The following SNX1 variants were observed in gnomAD, a reference collection of about 807,000 sequenced individuals.
SNX1 encodes the protein sorting nexin 1.
SNX1 carries 36 observed loss-of-function variants against 71.8 expected under a neutral mutation model. That is an observed-to-expected ratio of 0.50 (90% confidence interval 0.38 to 0.66). SNX1 has a LOEUF of 0.66. SNX1 is among the 30% of genes least tolerant of loss of function. The pLI, the probability that SNX1 is intolerant of heterozygous loss-of-function variation, is 0.00. For synonymous variants in SNX1, 254 were observed against 240.7 expected, an observed-to-expected ratio of 1.06 and a Z score of -0.51; for missense variants, 612 against 646.7, an observed-to-expected ratio of 0.95 and a Z score of 0.58.
chr15:64,116,259 A>T lies in SNX1; in HGVS notation c.272-1858A>T, dbSNP rs2140142879. On this transcript the variant is annotated intron_variant, in intron 2 of 14. Transcript: ENST00000559844. ...TCATCATAAAGGTTTTCATTCTTGCATCCTCACATTGAGTAAGTAGGCTAA... is the reference window on the plus strand; with the variant it reads ...TCATCATAAAGGTTTTCATTCTTGCTTCCTCACATTGAGTAAGTAGGCTAA... Among the ~76,000 whole-genome samples the T allele has an allele frequency of 3.3e-5, 5 of 152,350 alleles. No homozygotes were observed. In the Middle Eastern group the frequency reaches 0.014, roughly 415 times the overall value.
chr15:64,117,490 T>A (rs2081142212), intron 2 of SNX1, among the ~76,000 whole-genome samples: 1 of 152,188 alleles, frequency 6.6e-6, no homozygotes, highest in Admixed American at 6.5e-5. Context: ...ACTCCTGAGC[T>A]CAGGCAGTCC....
chr15:64,129,859 T>C lies in SNX1; in HGVS notation c.808-57T>C. 4 of 1,271,654 alleles carry C rather than the reference T, an allele frequency of 3.1e-6. No individual in the cohort carries two copies. Among genetic ancestry groups the C allele is most frequent in the South Asian group, 1.2e-5 (1 of 84,198 alleles). 78.8% of individuals were successfully genotyped at this position (1,271,654 alleles called of 1,614,324 possible). A position where few individuals can be genotyped will look rare whatever the true frequency, so the allele number is the denominator to read the frequency against. On this transcript the variant is annotated intron_variant, in intron 8 of 14. Transcript: ENST00000559844. This position sits in a 1 kb window ranked among gnomAD's most constrained non-coding sequence, Gnocchi z 4.4. ...GCCATCTGATGGATACTAATTCTTC[T>C]GAACCTAAAATAGGGGCAGCAGATA...
chr15:64,113,843 G>A (rs984861437), intron 2 of SNX1, among the ~76,000 whole-genome samples: 3 of 151,630 alleles, frequency 2.0e-5, no homozygotes, highest in Admixed American at 1.3e-4. Context: ...GAAAGAAAGA[G>A]AGAGAGAGAG....
At chr15:64,135,836 C>T (rs944745308) in intron 12 of SNX1, among the ~76,000 whole-genome samples, 3 of 151,918 alleles carry the variant, frequency 2.0e-5, no homozygotes, top group East Asian at 1.9e-4. Flanking sequence ...GCACGAGAAC[C>T]GCTTGAACCT....
Position 64,112,598 on chromosome 15 carries a change from C to T in SNX1, c.185C>T (p.Thr62Ile). 1 of 1,611,478 alleles carries T rather than the reference C, an allele frequency of 6.2e-7. No individual in the cohort carries two copies. The highest frequency in any genetic ancestry group is 1.1e-5 in the South Asian group (1 of 90,860). Residue 62 changes from threonine (T) to isoleucine (I), a missense_variant, in exon 2 of 15, where the codon ACT becomes ATT. By Grantham distance (89) the Thr-to-Ile change is moderately conservative. This residue lies in a region of SNX1 where 316 missense variants were observed against 284.9 expected (regional missense o/e 1.11). Coordinates refer to ENST00000559844, the MANE Select transcript of SNX1 (RefSeq NM_003099.5). Reference protein sequence around the residue: ...VVSKHQSPKITTSLLPINNGS... With the variant: ...VVSKHQSPKIITSLLPINNGS... ...AGTAAACATCAGTCTCCAAAGATAA[C>T]TACATCCCTTCTTCCCATCAACAAT... is the stretch of plus-strand genomic sequence containing the variant.
At chr15:64,120,201 C>G (rs745685650) in intron 4 of SNX1, among the ~76,000 whole-genome samples, 7 of 150,594 alleles carry the variant, frequency 4.6e-5, no homozygotes. Context: ...AAATGTAATT[C>G]TCAACTCTTG....
Position 64,138,351 on chromosome 15 carries a change from A to G in SNX1, c.*733A>G, listed in dbSNP as rs2081383262. The G allele has an allele frequency of 8.2e-6, 5 of 612,148 alleles. No individual in the cohort carries two copies. The highest frequency in any genetic ancestry group is 4.8e-5 in the South Asian group (2 of 41,506). The allele number at this position is 612,148 out of a possible 1,614,324, so 37.9% of individuals were successfully genotyped here. ...TTTTTTTTTTTTTTTTGGTGTCCCTATCATTAAGCAAGAGCCTTTCTCTTT... is the reference window on the plus strand; with the variant it reads ...TTTTTTTTTTTTTTTTGGTGTCCCTGTCATTAAGCAAGAGCCTTTCTCTTT... On this transcript the variant is annotated 3_prime_UTR_variant, in exon 15 of 15. Transcript: ENST00000559844.
intron 8 of SNX1, among the ~76,000 whole-genome samples, chr15:64,128,707 G>C (rs1188946332): frequency 1.3e-5 from 2 of 152,082 alleles, no homozygotes; most frequent in East Asian, 3.8e-4. Flanking sequence ...AATCCCTTCT[G>C]CCTTTTCACC....
chr15:64,102,458 G>A (rs1466165507), intron 1 of SNX1, among the ~76,000 whole-genome samples: 1 of 152,094 alleles, frequency 6.6e-6, no homozygotes, highest in African/African-American at 2.4e-5. Flanking sequence ...TAATCTTCCT[G>A]CTGTCAAATA....
intron 12 of SNX1, 120 bp from the exon 13 acceptor site, chr15:64,136,210 C>G: frequency 2.6e-6 from 2 of 768,414 alleles, no homozygotes; most frequent in Non-Finnish European, 4.5e-6. Flanking sequence ...ATCTTACCCA[C>G]AGGGACAGAC....
chr15:64,104,881 TC>T (rs1250741011), intron 1 of SNX1, among the ~76,000 whole-genome samples: 3 of 69,926 alleles, frequency 4.3e-5, no homozygotes, highest in Non-Finnish European at 9.7e-5. Flanking sequence ...CAAGACTTGA[TC>T]TTAAAAAAAA....
At chr15:64,136,990 T>C in intron 14 of SNX1, 58 bp downstream of exon 14, 1 of 1,393,834 alleles carries the variant, frequency 7.2e-7, no homozygotes, top group Non-Finnish European at 1.0e-6. Flanking sequence ...GCCAGCTGCC[T>C]CCTCGGGGCT....
chr15:64,129,763 G>C lies in SNX1; in HGVS notation c.808-153G>C, dbSNP rs2081288050. ...TTGATTTTTCTGTATGGACATGTTA[G>C]TTGTGGATTCCTCAGACTGCCTTTG... On this transcript the variant is annotated intron_variant, in intron 8 of 14. Transcript: ENST00000559844. The surrounding 1 kb of genome is among the most constrained non-coding windows in gnomAD (Gnocchi z 4.4). The C allele has an allele frequency of 5.0e-6, 3 of 605,434 alleles. No homozygotes were observed. Among genetic ancestry groups the C allele is most frequent in the Non-Finnish European group, 8.9e-6 (3 of 335,358 alleles). 37.5% of individuals were successfully genotyped at this position (605,434 alleles called of 1,614,324 possible).
At chr15:64,112,231 G>T (rs578183740) in intron 1 of SNX1, among the ~76,000 whole-genome samples, 1 of 152,290 alleles carries the variant, frequency 6.6e-6, no homozygotes, top group East Asian at 1.9e-4. Context: ...AATGTGCACA[G>T]TCAGCATTTG....
Position 64,137,611 on chromosome 15 carries a change from T to C in SNX1, c.1562T>C (p.Ile521Thr), listed in dbSNP as rs1293403254. The C allele has an allele frequency of 6.2e-7, 1 of 1,614,070 alleles. No individual in the cohort carries two copies. The highest frequency in any genetic ancestry group is 1.3e-5 in the African/African-American group (1 of 74,926). Residue 521 changes from isoleucine (I) to threonine (T), a missense_variant, in exon 15 of 15, where the codon ATC (isoleucine) becomes ACC (threonine). Coordinates refer to ENST00000559844, the MANE Select transcript of SNX1 (RefSeq NM_003099.5). ...WEAFLPEAKA[I>T]S ...GCCTTCCTTCCTGAGGCAAAGGCCATCTCCTAATGGACCAAGGACCCCAGA... is the reference window on the plus strand; with the variant it reads ...GCCTTCCTTCCTGAGGCAAAGGCCACCTCCTAATGGACCAAGGACCCCAGA...
At chr15:64,135,234 C>T (rs2081346434) in intron 12 of SNX1, among the ~76,000 whole-genome samples, 1 of 151,880 alleles carries the variant, frequency 6.6e-6, no homozygotes, top group Admixed American at 6.5e-5. Context: ...TCTCCTGCCT[C>T]AGCCTCCCAA....
chr15:64,126,157 C>T lies in SNX1; in HGVS notation c.589C>T (p.Leu197Phe). Residue 197 changes from leucine to phenylalanine, a missense_variant, in exon 6 of 15, where the codon CTT (leucine) becomes TTT (phenylalanine). Physicochemically the swap from Leu to Phe is conservative, Grantham distance 22. Around this residue, in one of 2 missense-constraint regions of SNX1, gnomAD observed 316 missense variants for 284.9 expected, o/e 1.11. Transcript: ENST00000559844. ...FSDFLGLYEK[L>F]SEKHSQNGFI... is the part of the protein sequence containing the mutation. The stretch of plus-strand genomic sequence containing the variant: ...TGACTTTCTGGGTCTTTATGAGAAG[C>T]TTTCCGAGAAGCACTCTCAGAATGG... 2 of 1,614,146 alleles carry T rather than the reference C, an allele frequency of 1.2e-6. No homozygotes were observed. The highest frequency in any genetic ancestry group is 1.7e-6 in the Non-Finnish European group (2 of 1,180,012).
chr15:64,123,299 T>C (rs2081214400), intron 4 of SNX1, among the ~76,000 whole-genome samples: 1 of 152,178 alleles, frequency 6.6e-6, no homozygotes, highest in Non-Finnish European at 1.5e-5. Flanking sequence ...TCAGCCAGCA[T>C]CCATGGGGGC....
intron 1 of SNX1, among the ~76,000 whole-genome samples, chr15:64,100,697 T>A (rs2080951657): frequency 6.6e-6 from 1 of 152,072 alleles, no homozygotes; most frequent in Admixed American, 6.6e-5. Context: ...TAGAGAGTTA[T>A]GTAAGTTATG....
Sources: gnomAD v4.1 joint callset for allele counts (sites outside exome capture counted in the v4.1 genomes callset) on GRCh38, gnomAD v4.1.1 for gene constraint, gnomAD v4.1.1 regional missense constraint, Gnocchi (gnomAD v3.1) non-coding constraint, MANE v1.5 for transcripts, NCBI Gene and HGNC (gene_info 2026-07-23, HGNC 2026-07-21) for gene names.